CDC42EP4: variants seen among roughly 807,000 people sequenced by gnomAD.
CDC42EP4 encodes CDC42 effector protein 4.
In CDC42EP4, 6 loss-of-function variants were observed where a neutral mutation model predicts 5.6. The ratio of observed to expected loss-of-function variants is 1.07; its 90% confidence interval spans 0.59 to 2.12. The LOEUF (loss-of-function observed/expected upper bound fraction) is 2.12, where lower values mean the gene tolerates loss of function less well. Among genes scored for constraint, CDC42EP4 ranks in the 30% most tolerant of loss-of-function variants. CDC42EP4 has a pLI of 0.00. For missense variants in CDC42EP4, 490 were observed against 508.6 expected (o/e 0.96, Z 0.35); for synonymous variants, 230 against 224.2 (o/e 1.03, Z -0.23).
chr17:73,297,307 A>AG (rs2062193353), intron 1 of CDC42EP4, among the ~76,000 whole-genome samples: 1 of 148,086 alleles, frequency 6.8e-6, no homozygotes, highest in Non-Finnish European at 1.5e-5. Flanking sequence ...AAAAAAAAAA[A>AG]AAACACACAC....
At chr17:73,297,001 A>AAAACAAAAAAAAAAAAAAAACAC (rs547362762) in intron 1 of CDC42EP4, among the ~76,000 whole-genome samples, 2 of 61,774 alleles carry the variant, frequency 3.2e-5, no homozygotes, top group Non-Finnish European at 6.7e-5. Context: ...AAAAAAAAAA[A>AAAACAAAAAAAAAAAAAAAACAC]AAATACACAA....
Position 73,286,339 on chromosome 17 carries a change from A to T in CDC42EP4, c.162T>A (p.Asn54Lys). 3 of 1,614,176 alleles carry T rather than the reference A, an allele frequency of 1.9e-6. No homozygotes were observed. The highest frequency in any genetic ancestry group is 1.7e-6 in the Non-Finnish European group (2 of 1,180,024). The change falls in exon 2 of 2, where the codon AAT becomes AAA. Residue 54 changes from asparagine to lysine, a missense_variant. Coordinates refer to ENST00000335793, the MANE Select transcript of CDC42EP4 (RefSeq NM_012121.5). This position sits in a 1 kb window ranked among gnomAD's most constrained non-coding sequence, Gnocchi z 7.7. ...CGCCGTCGGGCTCGCCAGCCTTGCT[A>T]TTGAGGAAGGAGGTGTCCCCAAAGG... is the stretch of plus-strand genomic sequence containing the variant. ...GDAFGDTSFL[N>K]SKAGEPDGES...
In CDC42EP4 at chr17:73,286,630, G is replaced by A. The variant is rs1469809723; in HGVS notation, c.-112-18C>T. ...TCATAAGGCTGCAAGCAGAGAATGAGAGGCAAAGGATTAACGCGGGCTGGC... is the reference window on the plus strand; with the variant it reads ...TCATAAGGCTGCAAGCAGAGAATGAAAGGCAAAGGATTAACGCGGGCTGGC... On this transcript the variant is annotated intron_variant, in intron 1 of 1. Transcript: ENST00000335793. This position sits in a 1 kb window ranked among gnomAD's most constrained non-coding sequence, Gnocchi z 7.7. The A allele has an allele frequency of 2.9e-6, 2 of 678,338 alleles. No homozygotes were observed. Among genetic ancestry groups the A allele is most frequent in the African/African-American group, 3.6e-5 (2 of 55,282 alleles). 42.0% of individuals were successfully genotyped at this position (678,338 alleles called of 1,614,324 possible).
At chr17:73,304,657 G>GC (rs2062236052) in intron 1 of CDC42EP4, among the ~76,000 whole-genome samples, 1 of 148,910 alleles carries the variant, frequency 6.7e-6, no homozygotes, top group Non-Finnish European at 1.5e-5. Context: ...CATCGGGGTG[G>GC]GGGGGGCGGG....
intron 1 of CDC42EP4, among the ~76,000 whole-genome samples, chr17:73,299,676 T>C (rs931237071): frequency 6.6e-6 from 1 of 152,036 alleles, no homozygotes; most frequent in Non-Finnish European, 1.5e-5. Flanking sequence ...TGATTTTCCA[T>C]ATGAGGTGAT....
chr17:73,292,994 A>G (rs2062168578), intron 1 of CDC42EP4, among the ~76,000 whole-genome samples: 1 of 152,150 alleles, frequency 6.6e-6, no homozygotes, highest in South Asian at 2.1e-4. Flanking sequence ...CTGGGATTAC[A>G]GGAGCCACTG....
intron 1 of CDC42EP4, among the ~76,000 whole-genome samples, chr17:73,298,410 T>G (rs2062199812): frequency 6.6e-6 from 1 of 152,172 alleles, no homozygotes; most frequent in Admixed American, 6.5e-5. Context: ...GCGATAAGGA[T>G]CACTCCCACC....
At chr17:73,298,034 G>T (rs927269783) in intron 1 of CDC42EP4, among the ~76,000 whole-genome samples, 2 of 145,534 alleles carry the variant, frequency 1.4e-5, no homozygotes, top group Admixed American at 6.9e-5. Flanking sequence ...AAGGCTTAAA[G>T]AAAAAGCATT....
intron 1 of CDC42EP4, among the ~76,000 whole-genome samples, chr17:73,299,259 T>C (rs1448508147): frequency 6.6e-6 from 1 of 151,294 alleles, no homozygotes. Flanking sequence ...CTGTCTCTAC[T>C]AAAAATATTT....
In CDC42EP4 at chr17:73,307,754, TTC is replaced by T. The variant is rs1164790879; in HGVS notation, c.-113+4137_-113+4138del. On this transcript the variant is annotated intron_variant, in intron 1 of 1. Coordinates refer to ENST00000335793, the MANE Select transcript of CDC42EP4 (RefSeq NM_012121.5). ...TGAGCCACCACGCCTGGCCCTGAAT[TTC>T]TCTCTTTTTTTTTTTTTTTTTTTTG... is the stretch of plus-strand genomic sequence containing the variant. Among the ~76,000 whole-genome samples the T allele has an allele frequency of 4.6e-5, 6 of 130,952 alleles. 1 individual carries two copies. The highest frequency in any genetic ancestry group is 1.7e-4 in the Admixed American group (2 of 11,594). The allele number at this position is 130,952 out of a possible 152,430, so 85.9% of individuals were successfully genotyped here.
intron 1 of CDC42EP4, among the ~76,000 whole-genome samples, chr17:73,296,623 G>C (rs990770687): frequency 1.3e-5 from 2 of 152,048 alleles, no homozygotes; most frequent in Non-Finnish European, 2.9e-5. Context: ...CAGAACAGAG[G>C]CCAAGGCGAA....
intron 1 of CDC42EP4, among the ~76,000 whole-genome samples, chr17:73,292,761 G>A (rs1415948823): frequency 6.6e-6 from 1 of 152,222 alleles, no homozygotes; most frequent in Non-Finnish European, 1.5e-5. Context: ...GGCATTTATG[G>A]AATAGAATAA....
At chr17:73,288,458 C>T (rs1451666175) in intron 1 of CDC42EP4, among the ~76,000 whole-genome samples, 1 of 151,540 alleles carries the variant, frequency 6.6e-6, no homozygotes, top group Admixed American at 6.6e-5. Context: ...GGAGTTTCAC[C>T]ATGTTGGTCA....
intron 1 of CDC42EP4, among the ~76,000 whole-genome samples, chr17:73,308,968 G>T (rs1302573172): frequency 6.9e-6 from 1 of 144,358 alleles, no homozygotes; most frequent in Admixed American, 7.3e-5. Flanking sequence ...AACCCGGGAG[G>T]TGGAGGATGC....
chr17:73,304,561 C>T (rs1419673220), intron 1 of CDC42EP4, among the ~76,000 whole-genome samples: 1 of 150,040 alleles, frequency 6.7e-6, no homozygotes, highest in African/African-American at 2.5e-5. Context: ...ACGTGCTCTA[C>T]TCAAGTCACA....
intron 1 of CDC42EP4, among the ~76,000 whole-genome samples, chr17:73,298,407 G>A (rs1390930260): frequency 6.6e-6 from 1 of 152,164 alleles, no homozygotes; most frequent in Non-Finnish European, 1.5e-5. Context: ...TGAGCGATAA[G>A]GATCACTCCC....
intron 1 of CDC42EP4, among the ~76,000 whole-genome samples, chr17:73,300,880 C>G (rs910228899): frequency 1.3e-5 from 2 of 151,962 alleles, no homozygotes; most frequent in African/African-American, 4.8e-5. Flanking sequence ...AACCCCATCT[C>G]TATTAAAATA....
In CDC42EP4 at chr17:73,302,473, G is replaced by A. The variant is rs527576449; in HGVS notation, c.-113+9420C>T. ...ATGTGGTTAGTGTGATTAAGGAGCT[G>A]AATTTTTAATTTTTTTTTTTTGAGA... On this transcript the variant is annotated intron_variant, in intron 1 of 1. Transcript: ENST00000335793. Among the ~76,000 whole-genome samples the A allele has an allele frequency of 2.0e-5, 3 of 152,154 alleles. No individual in the cohort carries two copies. In the East Asian group the frequency reaches 5.8e-4, roughly 29 times the overall value.
intron 1 of CDC42EP4, among the ~76,000 whole-genome samples, chr17:73,305,720 GT>G (rs1483832963): frequency 2.0e-5 from 3 of 152,234 alleles, no homozygotes; most frequent in Non-Finnish European, 4.4e-5. Context: ...GGTGAGCACA[GT>G]TCCATGTGTG....
Sources: allele counts gnomAD v4.1 joint callset (sites outside exome capture counted in the v4.1 genomes callset), GRCh38; gene constraint gnomAD v4.1.1; non-coding constraint Gnocchi (gnomAD v3.1); transcripts MANE v1.5; gene names NCBI Gene and HGNC (gene_info 2026-07-23, HGNC 2026-07-21).